Variants in BNC2 observed in about 807,000 individuals in gnomAD.
BNC2 encodes zinc finger protein basonuclin-2.
Under a neutral mutation model 76.3 loss-of-function variants are expected in BNC2, and 20 were observed. That is an observed-to-expected ratio of 0.26 (90% confidence interval 0.18 to 0.38). The LOEUF (loss-of-function observed/expected upper bound fraction) is 0.38, where lower values mean the gene tolerates loss of function less well. Ranked by LOEUF, BNC2 falls within the 10% of genes least tolerant of loss-of-function variation. The pLI is 1.00. For missense variants in BNC2, 1,382 were observed against 1,399.8 expected (o/e 0.99, Z 0.20); for synonymous variants, 582 against 514.8 (o/e 1.13, Z -1.77).
intron 3 of BNC2, among the ~76,000 whole-genome samples, chr9:16,614,958 T>TAAAAAAAAAAAAAAA (rs60545823): frequency 1.6e-5 from 1 of 62,526 alleles, no homozygotes; most frequent in Non-Finnish European, 3.0e-5. Context: ...TCTGTCTCTT[T>TAAAAAAAAAAAAAAA]AAAAAAAAAA....
chr9:16,650,767 T>C (rs1821772028), intron 3 of BNC2, among the ~76,000 whole-genome samples: 1 of 152,076 alleles, frequency 6.6e-6, no homozygotes, highest in Non-Finnish European at 1.5e-5. Flanking sequence ...TATTGCAGCT[T>C]CCAGGTAGCA....
intron 5 of BNC2, among the ~76,000 whole-genome samples, chr9:16,478,690 T>C (rs6475057): frequency 0.29 from 37,133 of 129,416 alleles, 4,388 homozygotes; most frequent in South Asian, 0.46. Context: ...GATCACAGAA[T>C]GTACAGATGC....
intron 3 of BNC2, among the ~76,000 whole-genome samples, chr9:16,616,542 T>A (rs1049535019): frequency 6.0e-5 from 9 of 151,130 alleles, no homozygotes; most frequent in Non-Finnish European, 5.9e-5. Flanking sequence ...ACAAAAAAAA[T>A]TTTTTAAATT....
intron 3 of BNC2, among the ~76,000 whole-genome samples, chr9:16,624,197 A>G (rs1480776102): frequency 1.3e-5 from 2 of 152,156 alleles, no homozygotes; most frequent in African/African-American, 4.8e-5. Context: ...AGCTAGACGA[A>G]GTATTTATAT....
chr9:16,505,668 G>C (rs931887005), intron 5 of BNC2, among the ~76,000 whole-genome samples: 1 of 152,014 alleles, frequency 6.6e-6, no homozygotes, highest in African/African-American at 2.4e-5. Context: ...AAGAGAATCA[G>C]AAAGATTCTG....
intron 1 of BNC2, among the ~76,000 whole-genome samples, chr9:16,815,692 G>C (rs1041396865): frequency 6.6e-6 from 1 of 152,152 alleles, no homozygotes; most frequent in African/African-American, 2.4e-5. Flanking sequence ...TAAACTTCCT[G>C]CTATATCTGT....
intron 3 of BNC2, among the ~76,000 whole-genome samples, chr9:16,651,924 C>T (rs1587275514): frequency 6.6e-6 from 1 of 152,124 alleles, no homozygotes; most frequent in African/African-American, 2.4e-5. Context: ...TTAAGAAATA[C>T]CAATCCTGAG....
intron 3 of BNC2, among the ~76,000 whole-genome samples, chr9:16,630,520 T>A (rs1212593826): frequency 6.6e-6 from 1 of 152,190 alleles, no homozygotes; most frequent in Non-Finnish European, 1.5e-5. Flanking sequence ...GATTAACACC[T>A]GTGTGGAAGG....
At chr9:16,696,855 T>C (rs1823353835) in intron 3 of BNC2, among the ~76,000 whole-genome samples, 1 of 152,240 alleles carries the variant, frequency 6.6e-6, no homozygotes. Context: ...TTATTATTTA[T>C]GCACAGAGCA....
chr9:16,821,240 A>G (rs568802038), intron 1 of BNC2, among the ~76,000 whole-genome samples: 23 of 151,570 alleles, frequency 1.5e-4, no homozygotes, highest in African/African-American at 5.6e-4. Context: ...TCTCAAAAAA[A>G]AAAAAAGAAA....
At chr9:16,767,727 C>T (rs1825735634) in intron 1 of BNC2, among the ~76,000 whole-genome samples, 1 of 152,074 alleles carries the variant, frequency 6.6e-6, no homozygotes, top group East Asian at 1.9e-4. Flanking sequence ...CAAACGTAAA[C>T]AGTATAATAG....
At chr9:16,673,865 T>C (rs1822558636) in intron 3 of BNC2, among the ~76,000 whole-genome samples, 1 of 152,222 alleles carries the variant, frequency 6.6e-6, no homozygotes, top group Non-Finnish European at 1.5e-5. Context: ...GTTGCTGTTT[T>C]AGTTCCCCTA....
chr9:16,567,657 C>T (rs1235042657), intron 4 of BNC2, among the ~76,000 whole-genome samples: 2 of 152,106 alleles, frequency 1.3e-5, no homozygotes, highest in African/African-American at 4.8e-5. Context: ...ACTGATCCTA[C>T]AAAATTGGCT....
Position 16,414,485 on chromosome 9 carries a change from A to G in BNC2, c.*4504T>C, listed in dbSNP as rs1419916666. The G allele has an allele frequency of 2.0e-5, 3 of 152,226 alleles. No homozygotes were observed. Among genetic ancestry groups the G allele is most frequent in the African/African-American group, 7.2e-5 (3 of 41,464 alleles). 9.4% of individuals were successfully genotyped at this position (152,226 alleles called of 1,614,324 possible). On this transcript the variant is annotated 3_prime_UTR_variant, in exon 7 of 7. Coordinates refer to ENST00000380672, the MANE Select transcript of BNC2 (RefSeq NM_017637.6). Reference sequence around the variant, plus strand: ...AATACTTCAAGTTTGGGAGAAGATAAGTGATTTTAAAGAATGAAATTCGTT... The same window carrying G: ...AATACTTCAAGTTTGGGAGAAGATAGGTGATTTTAAAGAATGAAATTCGTT...
At chr9:16,637,090 T>G (rs1821351466) in intron 3 of BNC2, among the ~76,000 whole-genome samples, 1 of 152,068 alleles carries the variant, frequency 6.6e-6, no homozygotes, top group African/African-American at 2.4e-5. Flanking sequence ...GAGGCAATTT[T>G]TTTTTCTCTA....
intron 5 of BNC2, among the ~76,000 whole-genome samples, chr9:16,501,594 A>C (rs2131785626): frequency 6.6e-6 from 1 of 152,072 alleles, no homozygotes; most frequent in Middle Eastern, 3.4e-3. Flanking sequence ...TTAGAACTAA[A>C]CTCCAGTCTC....
intron 6 of BNC2, among the ~76,000 whole-genome samples, chr9:16,434,574 G>A (rs567606953): frequency 2.0e-5 from 3 of 152,272 alleles, no homozygotes; most frequent in South Asian, 2.1e-4. Flanking sequence ...TATTATGTAC[G>A]TGATCTGCTC....
intron 1 of BNC2, among the ~76,000 whole-genome samples, chr9:16,747,880 C>T (rs150795029): frequency 3.4e-4 from 52 of 152,284 alleles, no homozygotes; most frequent in African/African-American, 1.2e-3. Context: ...CAACTATCTA[C>T]CATTTTATCC....
intron 5 of BNC2, among the ~76,000 whole-genome samples, chr9:16,544,091 T>A (rs1013257695): frequency 3.3e-5 from 5 of 152,190 alleles, no homozygotes; most frequent in African/African-American, 1.2e-4. Context: ...TGGTATCAAA[T>A]AATCCCCCCT....
Sources: allele counts gnomAD v4.1 joint callset (sites outside exome capture counted in the v4.1 genomes callset), GRCh38; gene constraint gnomAD v4.1.1; transcripts MANE v1.5; gene names NCBI Gene and HGNC (gene_info 2026-07-23, HGNC 2026-07-21).